Variants in PLSCR4 observed in about 807,000 individuals in gnomAD.
The protein encoded by PLSCR4 is Ca(2+)-dependent phospholipid scramblase 4.
Under a neutral mutation model 36.3 loss-of-function variants are expected in PLSCR4, and 25 were observed. The observed-to-expected ratio is 0.69, with a 90% CI of 0.50 to 0.96. The LOEUF is 0.96. Among genes scored for constraint, PLSCR4 ranks in the 40% least tolerant of loss-of-function variants. The pLI is 0.00. For missense variants in PLSCR4, 408 were observed against 414.7 expected, an observed-to-expected ratio of 0.98 and a Z score of 0.14; for synonymous variants, 122 against 132.9, an observed-to-expected ratio of 0.92 and a Z score of 0.56.
intron 1 of PLSCR4, among the ~76,000 whole-genome samples, chr3:146,234,383 A>AT (rs1013471499): frequency 4.6e-5 from 7 of 152,172 alleles, no homozygotes; most frequent in African/African-American, 1.4e-4. Flanking sequence ...AATTTTTTTT[A>AT]TTTTCTCCAT....
intron 3 of PLSCR4, among the ~76,000 whole-genome samples, chr3:146,208,008 G>A (rs899940680): frequency 6.6e-6 from 1 of 152,060 alleles, no homozygotes; most frequent in African/African-American, 2.4e-5. Context: ...CAAATCTGGA[G>A]GCATCACATT....
chr3:146,205,819 C>T (rs935929178), intron 4 of PLSCR4, among the ~76,000 whole-genome samples: 4 of 152,034 alleles, frequency 2.6e-5, no homozygotes, highest in African/African-American at 7.2e-5. Flanking sequence ...AAATAAAAGG[C>T]GTCTACTCTG....
intron 1 of PLSCR4, among the ~76,000 whole-genome samples, chr3:146,224,841 C>T (rs1471139773): frequency 6.7e-6 from 1 of 149,214 alleles, no homozygotes; most frequent in Non-Finnish European, 1.5e-5. Context: ...CTCCACGTCC[C>T]CATCAGATTA....
chr3:146,223,910 A>G (rs925199653), intron 1 of PLSCR4: 2 of 147,248 alleles, frequency 1.4e-5, no homozygotes, highest in Non-Finnish European at 3.0e-5. Context: ...AAATATATTA[A>G]TATTTAAATA....
At chr3:146,234,948 AAAAGGC>A (rs1348842562) in intron 1 of PLSCR4, among the ~76,000 whole-genome samples, 1 of 152,168 alleles carries the variant, frequency 6.6e-6, no homozygotes, top group African/African-American at 2.4e-5. Context: ...CATAACTCAC[AAAAGGC>A]TGGCCAGAAC....
chr3:146,232,528 T>C (rs2035753719), intron 1 of PLSCR4, among the ~76,000 whole-genome samples: 1 of 152,188 alleles, frequency 6.6e-6, no homozygotes, highest in African/African-American at 2.4e-5. Context: ...AGCAGTGTTT[T>C]GTAATTCTCA....
intron 1 of PLSCR4, among the ~76,000 whole-genome samples, chr3:146,227,809 T>G (rs752094526): frequency 5.3e-5 from 8 of 152,222 alleles, no homozygotes; most frequent in Non-Finnish European, 8.8e-5. Context: ...TCCTTCTGCT[T>G]CTTAGCAGAG....
At chr3:146,213,884 T>C (rs1020679852) in intron 3 of PLSCR4, among the ~76,000 whole-genome samples, 4 of 152,184 alleles carry the variant, frequency 2.6e-5, no homozygotes, top group African/African-American at 7.2e-5. Flanking sequence ...CTCACTTTCA[T>C]TCCTGATTTT....
chr3:146,198,599 G>T (rs1218514187), intron 6 of PLSCR4, among the ~76,000 whole-genome samples: 1 of 151,914 alleles, frequency 6.6e-6, no homozygotes, highest in Admixed American at 6.6e-5. Context: ...TAGAGATGGG[G>T]TTTTACCATG....
At chr3:146,237,216 T>C (rs1226925940) in intron 1 of PLSCR4, among the ~76,000 whole-genome samples, 1 of 152,044 alleles carries the variant, frequency 6.6e-6, no homozygotes, top group Non-Finnish European at 1.5e-5. Flanking sequence ...ACAAAAACTA[T>C]TACTGAAGAC....
intron 6 of PLSCR4, among the ~76,000 whole-genome samples, chr3:146,198,295 A>C (rs1029657966): frequency 5.3e-5 from 8 of 152,164 alleles, no homozygotes; most frequent in Non-Finnish European, 8.8e-5. Flanking sequence ...AAACTGCACA[A>C]ACTAAATGTA....
At chr3:146,197,371 T>C (rs534447650) in intron 6 of PLSCR4, among the ~76,000 whole-genome samples, 4 of 152,172 alleles carry the variant, frequency 2.6e-5, no homozygotes, top group Non-Finnish European at 4.4e-5. Context: ...TACACACTTA[T>C]GCTGCTTGCT....
intron 1 of PLSCR4, among the ~76,000 whole-genome samples, chr3:146,243,247 T>A (rs935266305): frequency 6.6e-6 from 1 of 152,136 alleles, no homozygotes; most frequent in Admixed American, 6.5e-5. Context: ...TCTTTTTTTT[T>A]ATTATACTTT....
chr3:146,196,870 T>A, intron 6 of PLSCR4, 77 bp from the exon 7 acceptor site: 7 of 1,215,824 alleles, frequency 5.8e-6, no homozygotes, highest in Non-Finnish European at 8.3e-6. Flanking sequence ...ATACACAATC[T>A]AGATGTGTCC....
intron 1 of PLSCR4, among the ~76,000 whole-genome samples, chr3:146,224,438 C>T (rs1388131048): frequency 2.6e-5 from 4 of 152,138 alleles, no homozygotes; most frequent in African/African-American, 7.2e-5. Context: ...GCCGCGGACC[C>T]TCGCGGTGAG....
At chr3:146,229,597 A>G (rs1332160022) in intron 1 of PLSCR4, among the ~76,000 whole-genome samples, 1 of 32,730 alleles carries the variant, frequency 3.1e-5, no homozygotes, top group Non-Finnish European at 5.3e-5. Flanking sequence ...TTTTTCATTT[A>G]TTTATTTATT....
chr3:146,222,034 A>G (rs781502228), intron 2 of PLSCR4, 31 bp downstream of exon 2: 40 of 1,197,100 alleles, frequency 3.3e-5, no homozygotes, highest in Non-Finnish European at 4.4e-5. Context: ...TTGAAAATAA[A>G]GCATATTCAA....
intron 1 of PLSCR4, among the ~76,000 whole-genome samples, chr3:146,237,230 G>C (rs1481191873): frequency 6.6e-6 from 1 of 151,946 alleles, no homozygotes; most frequent in African/African-American, 2.4e-5. Context: ...TGAAGACTAA[G>C]AAGAATATTT....
rs183861152 is a variant in PLSCR4, at chr3:146,208,090, T to C, written c.119-1329A>G. 1.2e-4 allele frequency among the ~76,000 whole-genome samples: 18 copies of C among 152,214 alleles called. No homozygotes were observed. The East Asian group carries it at 2.5e-3, about 21-fold the overall frequency. ...TGGTACTGGTATAAAAATAGGCACA[T>C]AGACCAATGGAACAGAATAGGGAAC... On this transcript the variant is annotated intron_variant, in intron 3 of 8. Coordinates refer to ENST00000354952, the MANE Select transcript of PLSCR4 (RefSeq NM_020353.3).
Sources: allele counts gnomAD v4.1 joint callset (sites outside exome capture counted in the v4.1 genomes callset), GRCh38; gene constraint gnomAD v4.1.1; transcripts MANE v1.5; gene names NCBI Gene and HGNC (gene_info 2026-07-23, HGNC 2026-07-21).